The following P2RX5 variants were observed in gnomAD, a reference collection of about 807,000 sequenced individuals.
P2RX5 encodes purinergic receptor P2X 5.
In P2RX5, 46 loss-of-function variants were observed where a neutral mutation model predicts 54.1. That is an observed-to-expected ratio of 0.85 (90% CI 0.67 to 1.09). The LOEUF (loss-of-function observed/expected upper bound fraction) is 1.09. Ranked by LOEUF, P2RX5 falls within the 50% of genes least tolerant of loss-of-function variation. The probability of loss-of-function intolerance (pLI) is 0.00; values close to 1 mark genes in which losing one functional copy is unlikely to be tolerated. For missense variants in P2RX5, 566 were observed against 549.8 expected, an observed-to-expected ratio of 1.03 and a Z score of -0.29; for synonymous variants, 226 against 226.4, an observed-to-expected ratio of 1.00 and a Z score of 0.02.
At chr17:3,675,556 TTC>T in intron 11 of P2RX5, 1 of 983,880 alleles carries the variant, frequency 1.0e-6, no homozygotes, top group Non-Finnish European at 1.2e-6. Context: ...GATCTTCACT[TTC>T]TTTTTTTTTT....
the P2RX5 span, among the ~76,000 whole-genome samples, chr17:3,709,182 C>T: frequency 6.6e-6 from 1 of 152,122 alleles, no homozygotes; most frequent in Non-Finnish European, 1.5e-5. Context: ...GAACTCCTGA[C>T]CTCAGGTGAT....
At chr17:3,716,571 A>T in the P2RX5 span, 7 of 671,508 alleles carry the variant, frequency 1.0e-5, no homozygotes, top group Non-Finnish European at 1.9e-5. Flanking sequence ...GAGGAGAAAA[A>T]AGTGGCCACG....
chr17:3,689,554 T>C lies in P2RX5; in HGVS notation c.691A>G (p.Ile231Val). ...CGGATCACGGAGCCCAGTCGGAAGA[T>C]GGGGCAGTAGTGGTTCTTGGGGCCA... ...HFGPKNHYCP[I>V]FRLGSVIRWA... The change falls in exon 7 of 12, where the codon ATC becomes GTC. Residue 231 changes from isoleucine (I) to valine (V), a missense_variant. Ile to Val is a conservative substitution (Grantham distance 29). Transcript: ENST00000225328. The C allele has an allele frequency of 6.2e-7, 1 of 1,614,102 alleles. No homozygotes were observed. Among genetic ancestry groups the C allele is most frequent in the Non-Finnish European group, 8.5e-7 (1 of 1,179,996 alleles).
chr17:3,696,151 G>T lies in P2RX5; in HGVS notation c.-146C>A. 1.4e-6 allele frequency: 1 copy of T among 718,670 alleles called. No individual in the cohort carries two copies. Among genetic ancestry groups the T allele is most frequent in the Non-Finnish European group, 1.9e-6 (1 of 519,304 alleles). The allele number at this position is 718,670 out of a possible 1,614,324, so 44.5% of individuals were successfully genotyped here. A position where few individuals can be genotyped will look rare whatever the true frequency, so the allele number is the denominator to read the frequency against. ...AGCCCGGGGTGTCCGGCAGGGCTGC[G>T]GGGCGCGGGGGCGGGTCGGGGCGGC... On this transcript the variant is annotated 5_prime_UTR_variant, in exon 1 of 12. Coordinates refer to ENST00000225328, the MANE Select transcript of P2RX5 (RefSeq NM_002561.4).
chr17:3,704,468 A>G, the P2RX5 span, among the ~76,000 whole-genome samples: 2 of 152,182 alleles, frequency 1.3e-5, no homozygotes, highest in African/African-American at 2.4e-5. Flanking sequence ...ATTAATAGAC[A>G]TTACTGATCC....
At chr17:3,719,970 C>T in the P2RX5 span, among the ~76,000 whole-genome samples, 1 of 152,180 alleles carries the variant, frequency 6.6e-6, no homozygotes, top group Admixed American at 6.5e-5. Context: ...AGGTGATCCA[C>T]CTGTCTCGGC....
At chr17:3,714,832 A>C in the P2RX5 span, 1 of 1,507,156 alleles carries the variant, frequency 6.6e-7, no homozygotes, top group Non-Finnish European at 9.2e-7. Flanking sequence ...AGCCTCTCCC[A>C]GTGGATAGCA....
At chr17:3,710,631 T>C in the P2RX5 span, among the ~76,000 whole-genome samples, 4 of 151,668 alleles carry the variant, frequency 2.6e-5, no homozygotes, top group African/African-American at 9.7e-5. Flanking sequence ...GTGCAGATTA[T>C]TTAAGACAGC....
In P2RX5 at chr17:3,679,650, C is replaced by T. The variant is rs779942046; in HGVS notation, c.1199G>A (p.Arg400His). ...GTTCCCCTTCTGACTGCTGCTTCCA[C>T]GCTTCGCCTCGGGTGGCTCCTGCAG... The part of the protein sequence containing the change: ...QELQEPPEAK[R>H]GSSSQKGNGS... The change falls in exon 11 of 12, where the codon CGT becomes CAT. Residue 400 changes from arginine to histidine, a missense_variant. Physicochemically the swap from Arg to His is conservative, Grantham distance 29. Coordinates refer to ENST00000225328, the MANE Select transcript of P2RX5 (RefSeq NM_002561.4). 15 of 1,610,446 alleles carry T rather than the reference C, an allele frequency of 9.3e-6. No homozygotes were observed. Among genetic ancestry groups the T allele is most frequent in the East Asian group, 2.2e-5 (1 of 44,900 alleles).
chr17:3,706,015 C>T, the P2RX5 span, among the ~76,000 whole-genome samples: 2 of 151,844 alleles, frequency 1.3e-5, no homozygotes, highest in African/African-American at 4.8e-5. Context: ...AGTGCAGTGG[C>T]ACAATCTCAG....
the P2RX5 span, among the ~76,000 whole-genome samples, chr17:3,702,638 G>A: frequency 6.6e-6 from 1 of 152,220 alleles, no homozygotes; most frequent in Non-Finnish European, 1.5e-5. Context: ...CCCACTGGAA[G>A]GAAGAAACTC....
chr17:3,683,053 C>A (rs1224203540), intron 9 of P2RX5, among the ~76,000 whole-genome samples: 3 of 151,980 alleles, frequency 2.0e-5, no homozygotes, highest in Non-Finnish European at 2.9e-5. Flanking sequence ...AAAGCAAAAA[C>A]AAACAAAAAA....
the P2RX5 span, among the ~76,000 whole-genome samples, chr17:3,711,363 ACTCATT>A: frequency 8.9e-6 from 1 of 112,562 alleles, no homozygotes; most frequent in African/African-American, 4.4e-5. Flanking sequence ...TGAGCCCAGC[ACTCATT>A]CTTTTTTTTT....
intron 6 of P2RX5, 109 bp downstream of exon 6, chr17:3,689,951 CGCACACACGT>C (rs2143000624): frequency 2.1e-6 from 2 of 947,432 alleles, no homozygotes; most frequent in Non-Finnish European, 3.5e-6. Flanking sequence ...CGCGAACACA[CGCACACACGT>C]GCACACACGC....
At chr17:3,720,657 C>G in the P2RX5 span, 2 of 288,528 alleles carry the variant, frequency 6.9e-6, no homozygotes, top group Admixed American at 1.1e-4. Flanking sequence ...TCTCGGCTCA[C>G]TGCAACCTCC....
At chr17:3,723,074 C>T in the P2RX5 span, among the ~76,000 whole-genome samples, 2 of 152,192 alleles carry the variant, frequency 1.3e-5, no homozygotes, top group South Asian at 4.1e-4. Flanking sequence ...AAAGAGGAGT[C>T]ACAGGTAATC....
Position 3,673,608 on chromosome 17 carries a change from G to T in P2RX5, c.*260C>A, listed in dbSNP as rs1447420642. 1.4e-6 allele frequency: 2 copies of T among 1,418,344 alleles called. No homozygotes were observed. Among genetic ancestry groups the T allele is most frequent in the South Asian group, 1.5e-5 (1 of 66,346 alleles). The allele number at this position is 1,418,344 out of a possible 1,614,324, so 87.9% of individuals were successfully genotyped here. The stretch of plus-strand genomic sequence containing the variant: ...ATTTACAACCCGTTCCCTAGTGCGG[G>T]AAGCCAGCCACGGAGAAAGGAAGAA... On this transcript the variant is annotated 3_prime_UTR_variant, in exon 12 of 12. Transcript: ENST00000225328.
Position 3,691,584 on chromosome 17 carries a change from AC to A in P2RX5, c.288+59del, listed in dbSNP as rs1019938364. On this transcript the variant is annotated intron_variant, in intron 2 of 11. Transcript: ENST00000225328. Reference sequence around the variant, plus strand: ...GCGTATCCAAGAAGCTTCCCGTGTGACCCACCCGAACCAGGCAGTCCCTGCC... The same window carrying A: ...GCGTATCCAAGAAGCTTCCCGTGTGACCACCCGAACCAGGCAGTCCCTGCC... 2,855 of 1,605,986 alleles carry A rather than the reference AC, an allele frequency of 1.8e-3. 8 individuals carry two copies. The highest frequency in any genetic ancestry group is 2.4e-3 in the Non-Finnish European group (2,759 of 1,173,548).
chr17:3,690,231 G>T, intron 5 of P2RX5, 81 bp from the exon 6 acceptor site: 1 of 1,358,428 alleles, frequency 7.4e-7, no homozygotes. Context: ...TGTGAGGCCT[G>T]TTCCTTGGGT....
Sources: gnomAD v4.1 joint callset for allele counts (sites outside exome capture counted in the v4.1 genomes callset) on GRCh38, gnomAD v4.1.1 for gene constraint, MANE v1.5 for transcripts, NCBI Gene and HGNC (gene_info 2026-07-23, HGNC 2026-07-21) for gene names.